Variants in ALDH1A2 observed in about 807,000 individuals in gnomAD.
The protein encoded by ALDH1A2 is retinal dehydrogenase 2.
A neutral mutation model predicts 60.3 loss-of-function variants in ALDH1A2; 27 were observed. The ratio of observed to expected loss-of-function variants is 0.45; its 90% confidence interval spans 0.33 to 0.62. The LOEUF is 0.62. Ranked by LOEUF, ALDH1A2 falls within the 20% of genes least tolerant of loss-of-function variation. ALDH1A2 has a pLI of 0.02. For synonymous variants in ALDH1A2, 289 were observed against 232.4 expected (o/e 1.24, Z -2.21); for missense variants, 581 against 643.8 (o/e 0.90, Z 1.06).
chr15:58,040,047 C>G (rs1275949489), intron 1 of ALDH1A2, among the ~76,000 whole-genome samples: 1 of 151,886 alleles, frequency 6.6e-6, no homozygotes. Flanking sequence ...ACAACATTCA[C>G]AAGCACTTAT....
At chr15:58,031,934 G>A (rs1277930884) in intron 1 of ALDH1A2, among the ~76,000 whole-genome samples, 1 of 152,204 alleles carries the variant, frequency 6.6e-6, no homozygotes, top group African/African-American at 2.4e-5. Flanking sequence ...AACCATTGTG[G>A]AAGTCAGCGT....
intron 8 of ALDH1A2, 80 bp downstream of exon 8, chr15:57,965,645 G>T: frequency 9.8e-7 from 1 of 1,018,424 alleles, no homozygotes; most frequent in Non-Finnish European, 1.6e-6. Context: ...TTTTGCTAGT[G>T]TCCCATCAAA....
At chr15:57,975,218 GACAT>G (rs66725070) in intron 7 of ALDH1A2, among the ~76,000 whole-genome samples, 53,133 of 151,954 alleles carry the variant, frequency 0.35, 10,251 homozygotes, top group Non-Finnish European at 0.45. Context: ...AAGAGAAAAG[GACAT>G]ACATGTCCAT....
chr15:57,978,106 G>T (rs994887775), intron 7 of ALDH1A2, among the ~76,000 whole-genome samples: 2 of 152,168 alleles, frequency 1.3e-5, no homozygotes, highest in African/African-American at 4.8e-5. Flanking sequence ...AGACTATGGG[G>T]TTTTCTAAAT....
intron 1 of ALDH1A2, among the ~76,000 whole-genome samples, chr15:58,026,211 A>G (rs958809949): frequency 1.3e-5 from 2 of 152,206 alleles, no homozygotes; most frequent in Non-Finnish European, 2.9e-5. Context: ...TCAACAGCAC[A>G]TTGAAAAGAT....
At chr15:58,057,313 GATAT>G (rs34310360) in intron 1 of ALDH1A2, among the ~76,000 whole-genome samples, 5 of 149,714 alleles carry the variant, frequency 3.3e-5, no homozygotes, top group African/African-American at 9.8e-5. Context: ...ATTACAGAAG[GATAT>G]ATATATATAT....
intron 5 of ALDH1A2, among the ~76,000 whole-genome samples, chr15:57,994,522 A>G (rs1345772871): frequency 2.0e-5 from 3 of 152,172 alleles, no homozygotes; most frequent in Non-Finnish European, 2.9e-5. Context: ...CAAAGGGACA[A>G]TGTTTAATGT....
intron 1 of ALDH1A2, among the ~76,000 whole-genome samples, chr15:58,064,971 G>A (rs144551448): frequency 2.4e-4 from 36 of 152,340 alleles, no homozygotes; most frequent in Admixed American, 1.4e-3. Context: ...ATGAAACGCT[G>A]ACGTTGGAGT....
chr15:57,997,716 A>C (rs1895112892), intron 4 of ALDH1A2, among the ~76,000 whole-genome samples: 1 of 151,964 alleles, frequency 6.6e-6, no homozygotes, highest in Non-Finnish European at 1.5e-5. Flanking sequence ...AAAAATCTTA[A>C]AAGTCGGACC....
At chr15:58,045,122 T>C (rs1038484040) in intron 1 of ALDH1A2, among the ~76,000 whole-genome samples, 4 of 152,086 alleles carry the variant, frequency 2.6e-5, no homozygotes, top group Non-Finnish European at 4.4e-5. Flanking sequence ...AAGACATTTA[T>C]GCAGCCAACA....
At chr15:57,980,047 G>T (rs529356885) in intron 7 of ALDH1A2, 1 of 325,036 alleles carries the variant, frequency 3.1e-6, no homozygotes. Context: ...GTGGTCCATG[G>T]GGGGGCAGGA....
At chr15:57,958,006 C>A (rs1438762584) in intron 12 of ALDH1A2, among the ~76,000 whole-genome samples, 1 of 152,020 alleles carries the variant, frequency 6.6e-6, no homozygotes, top group Admixed American at 6.6e-5. Flanking sequence ...ATGTAAAACC[C>A]TGCTGGAACG....
At chr15:57,977,774 G>C (rs900388451) in intron 7 of ALDH1A2, among the ~76,000 whole-genome samples, 1 of 152,160 alleles carries the variant, frequency 6.6e-6, no homozygotes, top group Non-Finnish European at 1.5e-5. Flanking sequence ...GCTTGATCGG[G>C]ATAGCATTGA....
intron 1 of ALDH1A2, among the ~76,000 whole-genome samples, chr15:58,053,677 T>C (rs1036441572): frequency 6.6e-6 from 1 of 152,180 alleles, no homozygotes; most frequent in African/African-American, 2.4e-5. Context: ...TTTTTCTCTG[T>C]TGGAATTCCT....
intron 1 of ALDH1A2, among the ~76,000 whole-genome samples, chr15:58,027,616 T>C (rs780585826): frequency 1.3e-5 from 2 of 152,118 alleles, no homozygotes; most frequent in Non-Finnish European, 2.9e-5. Flanking sequence ...TAAAGGAGCA[T>C]GTTCTAACCC....
Position 57,980,070 on chromosome 15 carries a change from GGTCACACAGAT to G in ALDH1A2, c.798+12624_798+12634del, listed in dbSNP as rs538097622. On this transcript the variant is annotated intron_variant, in intron 7 of 12. Coordinates refer to ENST00000249750, the MANE Select transcript of ALDH1A2 (RefSeq NM_003888.4). ...TGGGGGGGCAGGATGTGATTCTTGG[GGTCACACAGAT>G]GCCTCTTCACGCCATACACGGTCAT... 396 of 310,004 alleles carry G rather than the reference GGTCACACAGAT, an allele frequency of 1.3e-3. 1 individual carries two copies. Among genetic ancestry groups the G allele is most frequent in the African/African-American group, 8.2e-3 (375 of 45,774 alleles). The allele number at this position is 310,004 out of a possible 1,614,324, so 19.2% of individuals were successfully genotyped here. A position where few individuals can be genotyped will look rare whatever the true frequency, so the allele number is the denominator to read the frequency against.
chr15:57,983,310 T>C (rs976329532), intron 7 of ALDH1A2, among the ~76,000 whole-genome samples: 1 of 152,176 alleles, frequency 6.6e-6, no homozygotes, highest in Admixed American at 6.5e-5. Flanking sequence ...TCTGCCAATA[T>C]CAAATAACAC....
At chr15:58,062,831 T>G (rs1248454841) in intron 1 of ALDH1A2, among the ~76,000 whole-genome samples, 2 of 152,174 alleles carry the variant, frequency 1.3e-5, no homozygotes, top group Non-Finnish European at 2.9e-5. Flanking sequence ...ATACTAGAAT[T>G]TCAGAGTGGT....
intron 1 of ALDH1A2, among the ~76,000 whole-genome samples, chr15:58,056,066 C>T (rs1438577983): frequency 6.6e-6 from 1 of 152,030 alleles, no homozygotes; most frequent in African/African-American, 2.4e-5. Context: ...AAGAGTACAA[C>T]CACAGCTAAT....
Sources: gnomAD v4.1 joint callset for allele counts (sites outside exome capture counted in the v4.1 genomes callset) on GRCh38, gnomAD v4.1.1 for gene constraint, MANE v1.5 for transcripts, NCBI Gene and HGNC (gene_info 2026-07-23, HGNC 2026-07-21) for gene names.